The following MCC variants were observed in gnomAD, a reference collection of about 807,000 sequenced individuals.
MCC encodes colorectal mutant cancer protein.
A neutral mutation model predicts 116.2 loss-of-function variants in MCC; 90 were observed. The ratio of observed to expected loss-of-function variants is 0.77; its 90% CI spans 0.65 to 0.92. MCC has a LOEUF of 0.92. MCC is among the 40% of genes least tolerant of loss of function. The pLI, the probability that MCC is intolerant of heterozygous loss-of-function variation, is 0.00. For synonymous variants in MCC, 578 were observed against 510.5 expected, an observed-to-expected ratio of 1.13 and a Z score of -1.78; for missense variants, 1,516 against 1,312.2, an observed-to-expected ratio of 1.16 and a Z score of -2.40.
At chr5:113,208,557 AG>A (rs1763001396) in intron 3 of MCC, among the ~76,000 whole-genome samples, 1 of 152,210 alleles carries the variant, frequency 6.6e-6, no homozygotes, top group South Asian at 2.1e-4. Flanking sequence ...AGATGGGATT[AG>A]ACTTCCATTA....
At chr5:113,418,598 T>C (rs1159745757) in intron 1 of MCC, among the ~76,000 whole-genome samples, 1 of 152,120 alleles carries the variant, frequency 6.6e-6, no homozygotes, top group African/African-American at 2.4e-5. Flanking sequence ...AAGTGTATTG[T>C]GAAGATTAAA....
chr5:113,431,334 C>G (rs1012580190), intron 1 of MCC, among the ~76,000 whole-genome samples: 2 of 152,024 alleles, frequency 1.3e-5, no homozygotes, highest in African/African-American at 4.8e-5. Flanking sequence ...CTTCTGGATG[C>G]CAGAAGTCTA....
At chr5:113,249,591 C>G (rs1561485237) in intron 3 of MCC, among the ~76,000 whole-genome samples, 1 of 152,176 alleles carries the variant, frequency 6.6e-6, no homozygotes, top group Non-Finnish European at 1.5e-5. Flanking sequence ...TGTGCCTCTT[C>G]TCTCCTTTCC....
chr5:113,198,581 G>C (rs1762535447), intron 3 of MCC, among the ~76,000 whole-genome samples: 1 of 151,296 alleles, frequency 6.6e-6, no homozygotes, highest in African/African-American at 2.4e-5. Flanking sequence ...GCCTGCACCT[G>C]TGGTCCCAGC....
At chr5:113,137,063 T>C (rs1758879132) in intron 5 of MCC, among the ~76,000 whole-genome samples, 1 of 152,184 alleles carries the variant, frequency 6.6e-6, no homozygotes, top group East Asian at 1.9e-4. Flanking sequence ...AGAACTTCCC[T>C]GAGACTGGGT....
intron 3 of MCC, among the ~76,000 whole-genome samples, chr5:113,168,099 C>T (rs1760872123): frequency 6.6e-6 from 1 of 152,126 alleles, no homozygotes. Context: ...CCTAGGGAAA[C>T]ACACAGGCTT....
At chr5:113,336,467 C>A (rs1265520300) in intron 3 of MCC, among the ~76,000 whole-genome samples, 3 of 151,650 alleles carry the variant, frequency 2.0e-5, no homozygotes, top group Non-Finnish European at 2.9e-5. Flanking sequence ...AGGTCACCCG[C>A]AGCATCAAGG....
intron 2 of MCC, among the ~76,000 whole-genome samples, chr5:113,356,161 C>T (rs1041244700): frequency 6.6e-6 from 1 of 150,596 alleles, no homozygotes; most frequent in Admixed American, 6.6e-5. Context: ...CTCCTGAGCT[C>T]GAGTCCAGGA....
intron 3 of MCC, among the ~76,000 whole-genome samples, chr5:113,269,477 A>C (rs1283759590): frequency 1.3e-5 from 2 of 152,206 alleles, no homozygotes; most frequent in Admixed American, 6.5e-5. Flanking sequence ...CAAATGATTA[A>C]ATTGTGGTAG....
At chr5:113,258,032 T>C (rs2150347090) in intron 3 of MCC, among the ~76,000 whole-genome samples, 1 of 152,136 alleles carries the variant, frequency 6.6e-6, no homozygotes, top group South Asian at 2.1e-4. Context: ...TTGAGAGAAG[T>C]GAGCAGAATT....
chr5:113,190,179 G>C (rs1762083854), intron 3 of MCC, among the ~76,000 whole-genome samples: 1 of 152,232 alleles, frequency 6.6e-6, no homozygotes, highest in South Asian at 2.1e-4. Flanking sequence ...AGTGAACTAA[G>C]TCCATAGCTA....
At chr5:113,221,464 C>A (rs1325958905) in intron 3 of MCC, among the ~76,000 whole-genome samples, 1 of 152,208 alleles carries the variant, frequency 6.6e-6, no homozygotes, top group African/African-American at 2.4e-5. Flanking sequence ...CCCCTTCCTG[C>A]CTGGGGACTG....
chr5:113,174,785 C>A (rs1761244785), intron 3 of MCC, among the ~76,000 whole-genome samples: 1 of 151,946 alleles, frequency 6.6e-6, no homozygotes, highest in Non-Finnish European at 1.5e-5. Context: ...ATGAGGGTCT[C>A]CCTATGTTGT....
chr5:113,075,953 C>A (rs188987430), intron 11 of MCC, among the ~76,000 whole-genome samples: 1 of 152,262 alleles, frequency 6.6e-6, no homozygotes, highest in Admixed American at 6.5e-5. Context: ...CTGTAACTCA[C>A]TGTGAAGGTC....
rs1272480503 is a variant in MCC, at chr5:113,125,214, T to C, written c.885-2388A>G. On this transcript the variant is annotated intron_variant, in intron 5 of 18. Transcript: ENST00000408903. ...TTAGATGGAAGAAATAAAAATACAA[T>C]GTGGAAAGTCTAGGAATTCAGAGGA... Among the ~76,000 whole-genome samples, 3 of 152,100 alleles carry C rather than the reference T, an allele frequency of 2.0e-5. No individual in the cohort carries two copies. In the East Asian group the frequency reaches 5.8e-4, roughly 29 times the overall value.
chr5:113,438,708 A>G (rs1294202410), intron 1 of MCC, among the ~76,000 whole-genome samples: 2 of 152,216 alleles, frequency 1.3e-5, no homozygotes, highest in African/African-American at 4.8e-5. Context: ...ATTTTCTAGT[A>G]TCTGTTAAAT....
intron 3 of MCC, chr5:113,269,223 A>G: frequency 1.0e-6 from 1 of 985,348 alleles, no homozygotes; most frequent in Non-Finnish European, 1.2e-6. Flanking sequence ...AGGGCCCCGC[A>G]ATCTCTCTCC....
At chr5:113,386,509 G>A (rs879392978) in intron 1 of MCC, among the ~76,000 whole-genome samples, 1 of 151,796 alleles carries the variant, frequency 6.6e-6, no homozygotes, top group African/African-American at 2.4e-5. Context: ...CAGGGTCTGA[G>A]TTATCATCAA....
At chr5:113,113,282 G>A (rs934730690) in intron 6 of MCC, among the ~76,000 whole-genome samples, 2 of 152,192 alleles carry the variant, frequency 1.3e-5, no homozygotes, top group East Asian at 3.8e-4. Context: ...GAAACCAGGA[G>A]GGCTGTTGCT....
Sources: allele counts gnomAD v4.1 joint callset (sites outside exome capture counted in the v4.1 genomes callset), GRCh38; gene constraint gnomAD v4.1.1; transcripts MANE v1.5; gene names NCBI Gene and HGNC (gene_info 2026-07-23, HGNC 2026-07-21).